Variants in BPTF observed in about 807,000 individuals in gnomAD.
BPTF encodes bromodomain PHD finger transcription factor.
A neutral mutation model predicts 292.5 loss-of-function variants in BPTF; 18 were observed. That is an observed-to-expected ratio of 0.06 (90% CI 0.04 to 0.09). The LOEUF (loss-of-function observed/expected upper bound fraction) is 0.09, where lower values mean the gene tolerates loss of function less well. Ranked by LOEUF, BPTF falls within the 10% of genes least tolerant of loss-of-function variation. BPTF has a pLI of 1.00. For missense variants in BPTF, 2,726 were observed against 3,498.7 expected (o/e 0.78, Z 5.57); for synonymous variants, 1,225 against 1,251.9 (o/e 0.98, Z 0.45).
At chr17:67,842,300 C>T (rs1209309020) in intron 1 of BPTF, among the ~76,000 whole-genome samples, 2 of 152,116 alleles carry the variant, frequency 1.3e-5, no homozygotes, top group Admixed American at 1.3e-4. Flanking sequence ...GCCACTACAT[C>T]CTTCTTAAAT....
Position 67,825,936 on chromosome 17 carries a change from G to A in BPTF, c.212G>A (p.Ser71Asn), listed in dbSNP as rs966938029. 2 of 1,014,288 alleles carry A rather than the reference G, an allele frequency of 2.0e-6. No individual in the cohort carries two copies. The highest frequency in any genetic ancestry group is 2.4e-6 in the Non-Finnish European group (2 of 850,794). 62.8% of individuals were successfully genotyped at this position (1,014,288 alleles called of 1,614,324 possible). ...CGGCTGAGCTCGCCCAGGGGGGGCAGCAGTAGCCGGAGGAAGCCGCCGCCG... is the reference window on the plus strand; with the variant it reads ...CGGCTGAGCTCGCCCAGGGGGGGCAACAGTAGCCGGAGGAAGCCGCCGCCG... Reference protein sequence around the residue: ...KTRLSSPRGGSSSRRKPPPPP... With the variant: ...KTRLSSPRGGNSSRRKPPPPP... Residue 71 changes from serine to asparagine, a missense_variant, in exon 1 of 28, where the codon AGC becomes AAC. Around this residue, in one of 22 missense-constraint regions of BPTF, gnomAD observed 103 missense variants for 72.1 expected, o/e 1.43. Coordinates refer to ENST00000306378, the MANE Select transcript of BPTF (RefSeq NM_182641.4).
At chr17:67,963,245 A>C in intron 24 of BPTF, 7 of 1,371,884 alleles carry the variant, frequency 5.1e-6, no homozygotes, top group Non-Finnish European at 6.7e-6. Context: ...CACTGTAAAA[A>C]AGTGAATCAA....
intron 1 of BPTF, among the ~76,000 whole-genome samples, chr17:67,852,002 T>TA (rs34733047): frequency 0.2 from 30,841 of 151,724 alleles, 3,933 homozygotes; most frequent in East Asian, 0.66. Context: ...ATAATGAGTG[T>TA]AATGCTCAGT....
chr17:67,979,169 C>CAA (rs11376410), intron 27 of BPTF, among the ~76,000 whole-genome samples: 3,070 of 71,266 alleles, frequency 0.043, 180 homozygotes, highest in Admixed American at 0.1. Context: ...GACCCTGTCT[C>CAA]AAAAAAAAAA....
rs2148301150 is a variant in BPTF at position 67,959,797 on chromosome 17, T to C, written c.8183T>C (p.Met2728Thr). The C allele has an allele frequency of 6.2e-7, 1 of 1,614,102 alleles. No homozygotes were observed. Among genetic ancestry groups the C allele is most frequent in the Non-Finnish European group, 8.5e-7 (1 of 1,180,018 alleles). ...AGCTCAAAGTCCAAGAAAAAGAAAA[T>C]GATCTCTACTACCTCAAAGGAAACT... ...DSSSKSKKKK[M>T]ISTTSKETKK... Residue 2728 changes from methionine to threonine, a missense_variant, in exon 24 of 28, where the codon ATG becomes ACG. This residue lies in a region of BPTF where 148 missense variants were observed against 145.5 expected (regional missense o/e 1.02). Coordinates refer to ENST00000306378, the MANE Select transcript of BPTF (RefSeq NM_182641.4).
rs149035359 is a variant in BPTF, at chr17:67,924,825, C to T, written c.5751+236C>T. Among the ~76,000 whole-genome samples, 700 of 152,180 alleles carry T rather than the reference C, an allele frequency of 4.6e-3. 5 individuals carry two copies. Among genetic ancestry groups the T allele is most frequent in the African/African-American group, 0.016 (657 of 41,524 alleles). ...CTATCACCCAGGCTGGAGTAGATCA[C>T]AGCTCACCGAGCCTCGACATCCCTG... On this transcript the variant is annotated intron_variant, in intron 15 of 27. Coordinates refer to ENST00000306378, the MANE Select transcript of BPTF (RefSeq NM_182641.4).
intron 1 of BPTF, among the ~76,000 whole-genome samples, chr17:67,836,406 GTATAGTA>G (rs1299545663): frequency 6.6e-6 from 1 of 152,126 alleles, no homozygotes; most frequent in African/African-American, 2.4e-5. Context: ...TGAGGTCTGT[GTATAGTA>G]TATAGTATAT....
chr17:67,842,341 T>G (rs537877083), intron 1 of BPTF, among the ~76,000 whole-genome samples: 8 of 152,290 alleles, frequency 5.3e-5, no homozygotes, highest in Non-Finnish European at 8.8e-5. Flanking sequence ...TCAATTTCCT[T>G]GACCAGTTAC....
At chr17:67,968,824 T>C (rs2068429439) in intron 26 of BPTF, among the ~76,000 whole-genome samples, 1 of 149,482 alleles carries the variant, frequency 6.7e-6, no homozygotes. Context: ...AAATAAATAC[T>C]ATACAAAATT....
At position 67,975,612 on chromosome 17, in the gene BPTF, CTT is replaced by C. The variant is rs2069315216; in HGVS notation, c.8540-157_8540-156del. The C allele has an allele frequency of 9.0e-6, 5 of 556,422 alleles. No individual in the cohort carries two copies. In the South Asian group the frequency reaches 1.2e-4, roughly 13 times the overall value. 34.5% of individuals were successfully genotyped at this position (556,422 alleles called of 1,614,324 possible). ...TCAGAAACAAAATTGGAAAAGTACT[CTT>C]TTGTTCTTTATGAATTGCAAAATAA... On this transcript the variant is annotated intron_variant, in intron 26 of 27. Transcript: ENST00000306378.
intron 7 of BPTF, among the ~76,000 whole-genome samples, chr17:67,895,791 A>G (rs959943595): frequency 1.3e-5 from 2 of 152,066 alleles, no homozygotes; most frequent in Non-Finnish European, 2.9e-5. Flanking sequence ...TGCTATAACC[A>G]TTTTAGAGAA....
At chr17:67,873,287 G>A (rs547048119) in intron 3 of BPTF, among the ~76,000 whole-genome samples, 44 of 151,774 alleles carry the variant, frequency 2.9e-4, no homozygotes, top group Non-Finnish European at 4.3e-4. Flanking sequence ...GTGAAACCCC[G>A]TCTCTACTAA....
chr17:67,917,231 C>T (rs962265161), intron 11 of BPTF, among the ~76,000 whole-genome samples: 3 of 148,232 alleles, frequency 2.0e-5, no homozygotes, highest in Non-Finnish European at 3.0e-5. Context: ...CCTCTGGGTT[C>T]GAGCTATTCT....
At chr17:67,880,758 T>G (rs1474263346) in intron 4 of BPTF, among the ~76,000 whole-genome samples, 1 of 152,100 alleles carries the variant, frequency 6.6e-6, no homozygotes, top group African/African-American at 2.4e-5. Context: ...CACCTCAGCT[T>G]CCTAAGTAGC....
At position 67,904,873 on chromosome 17, in the gene BPTF, C is replaced by T. The variant is rs368433751; in HGVS notation, c.2812+33C>T. ...ATTAAAATTACATGTCCTGCATAAT[C>T]GTTTCTGCTTTATATTTCTTATAAA... On this transcript the variant is annotated intron_variant, in intron 9 of 27. Coordinates refer to ENST00000306378, the MANE Select transcript of BPTF (RefSeq NM_182641.4). The T allele has an allele frequency of 4.3e-5, 66 of 1,531,490 alleles. No homozygotes were observed. The African/African-American group carries it at 6.2e-4, about 14-fold the overall frequency. 94.9% of individuals were successfully genotyped at this position (1,531,490 alleles called of 1,614,324 possible). A position where few individuals can be genotyped will look rare whatever the true frequency, so the allele number is the denominator to read the frequency against.
chr17:67,934,870 CAA>C (rs569120237), intron 18 of BPTF, among the ~76,000 whole-genome samples: 142 of 91,012 alleles, frequency 1.6e-3, no homozygotes, highest in Middle Eastern at 0.013. Flanking sequence ...AACTCTGTCT[CAA>C]AAAAAAAAAA....
intron 23 of BPTF, chr17:67,956,600 G>C (rs1368609465): frequency 6.7e-6 from 1 of 150,362 alleles, no homozygotes; most frequent in Non-Finnish European, 1.5e-5. Context: ...TTACAGGTGT[G>C]AGCCACTGTC....
chr17:67,881,241 G>T (rs2145921062), intron 4 of BPTF, among the ~76,000 whole-genome samples: 1 of 152,182 alleles, frequency 6.6e-6, no homozygotes, highest in African/African-American at 2.4e-5. Flanking sequence ...AATATTTGGG[G>T]AAAGATTGCT....
At chr17:67,869,827 C>CAAAA (rs772941425) in intron 3 of BPTF, among the ~76,000 whole-genome samples, 8 of 56,446 alleles carry the variant, frequency 1.4e-4, no homozygotes, top group African/African-American at 3.3e-4. Flanking sequence ...ACTAAAAATA[C>CAAAA]AAAAAAAAAA....
Sources: allele counts gnomAD v4.1 joint callset (sites outside exome capture counted in the v4.1 genomes callset), GRCh38; gene constraint gnomAD v4.1.1; regional missense constraint gnomAD v4.1.1; transcripts MANE v1.5; gene names NCBI Gene and HGNC (gene_info 2026-07-23, HGNC 2026-07-21).